The following SLCO2A1 variants were observed in gnomAD, a reference collection of about 807,000 sequenced individuals.
SLCO2A1 encodes the protein solute carrier organic anion transporter family member 2A1.
Under a neutral mutation model 71.7 loss-of-function variants are expected in SLCO2A1, and 60 were observed. The ratio of observed to expected loss-of-function variants is 0.84; its 90% CI spans 0.68 to 1.04. The LOEUF (loss-of-function observed/expected upper bound fraction) is 1.04, where lower values mean the gene tolerates loss of function less well. SLCO2A1 is among the 50% of genes least tolerant of loss of function. SLCO2A1 has a pLI of 0.00. For missense variants in SLCO2A1, 745 were observed against 813.4 expected, an observed-to-expected ratio of 0.92 and a Z score of 1.02; for synonymous variants, 308 against 326.7, an observed-to-expected ratio of 0.94 and a Z score of 0.62.
chr3:133,938,566 G>A, intron 11 of SLCO2A1, 73 bp from the exon 12 acceptor site: 2 of 1,459,206 alleles, frequency 1.4e-6, no homozygotes, highest in Non-Finnish European at 1.9e-6. Flanking sequence ...GGGGCAGCCA[G>A]CCTCAGAGCA....
In SLCO2A1 at chr3:133,951,300, A is replaced by G; in HGVS notation, c.769T>C (p.Trp257Arg). 1 of 1,614,180 alleles carries G rather than the reference A, an allele frequency of 6.2e-7. No individual in the cohort carries two copies. Among genetic ancestry groups the G allele is most frequent in the Non-Finnish European group, 8.5e-7 (1 of 1,180,014 alleles). The change falls in exon 6 of 14, where the codon TGG becomes CGG. Residue 257 changes from tryptophan to arginine, a missense_variant. Coordinates refer to ENST00000310926, the MANE Select transcript of SLCO2A1 (RefSeq NM_005630.3). ...VPGDPRWIGA[W>R]WLGLLISSAL... is the part of the protein sequence containing the mutation. ...GAAGAAATGAGCAGGCCTAGCCACC[A>G]GGCTCCAATCCATCGGGGGTCACCC...
At chr3:133,940,502 A>C (rs1416096129) in intron 11 of SLCO2A1, among the ~76,000 whole-genome samples, 5 of 152,018 alleles carry the variant, frequency 3.3e-5, no homozygotes, top group Non-Finnish European at 7.4e-5. Flanking sequence ...GTCCTCTGGG[A>C]GGTGATTTGA....
chr3:133,934,287 TGCCAC>T lies in SLCO2A1; in HGVS notation c.*421_*425del, dbSNP rs1223367787. 1 of 154,124 alleles carries T rather than the reference TGCCAC, an allele frequency of 6.5e-6. No homozygotes were observed. The highest frequency in any genetic ancestry group is 6.4e-5 in the Admixed American group (1 of 15,518). 9.5% of individuals were successfully genotyped at this position (154,124 alleles called of 1,614,324 possible). A position where few individuals can be genotyped will look rare whatever the true frequency, so the allele number is the denominator to read the frequency against. On this transcript the variant is annotated 3_prime_UTR_variant, in exon 14 of 14. Transcript: ENST00000310926. ...GCCACTTCCTTCTTCCTTTCACCCC[TGCCAC>T]TCTGCAGGGTGTGGGCAGTCAGCGG...
Position 134,029,869 on chromosome 3 carries a change from G to A in SLCO2A1, c.-67C>T, listed in dbSNP as rs958187805. On this transcript the variant is annotated 5_prime_UTR_variant, in exon 1 of 14. Transcript: ENST00000310926. ...GGGCGCCTCGGGCTGGAGCGGCCGG[G>A]CGGGTGAGAGGCGACCGCGGCGGCA... is the stretch of plus-strand genomic sequence containing the variant. 2.1e-6 allele frequency: 2 copies of A among 972,506 alleles called. No homozygotes were observed. Among genetic ancestry groups the A allele is most frequent in the East Asian group, 3.5e-5 (1 of 28,806 alleles). The allele number at this position is 972,506 out of a possible 1,614,324, so 60.2% of individuals were successfully genotyped here. A position where few individuals can be genotyped will look rare whatever the true frequency, so the allele number is the denominator to read the frequency against.
At chr3:133,949,324 C>T in intron 6 of SLCO2A1, 1 of 270,210 alleles carries the variant, frequency 3.7e-6, no homozygotes, top group Non-Finnish European at 7.2e-6. Flanking sequence ...CCCCTACCCT[C>T]AGATTCCAGG....
intron 3 of SLCO2A1, among the ~76,000 whole-genome samples, chr3:133,960,735 A>T (rs1253141775): frequency 6.6e-6 from 1 of 152,166 alleles, no homozygotes; most frequent in Admixed American, 6.5e-5. Flanking sequence ...CCACAATTTA[A>T]AAATATTGCA....
At chr3:134,023,813 C>T (rs1476517868) in intron 1 of SLCO2A1, among the ~76,000 whole-genome samples, 3 of 152,232 alleles carry the variant, frequency 2.0e-5, no homozygotes, top group Non-Finnish European at 4.4e-5. Flanking sequence ...GAGGCCCAGA[C>T]TGTCCCCTTT....
chr3:133,952,647 T>G (rs1933773740), intron 5 of SLCO2A1, among the ~76,000 whole-genome samples: 1 of 152,370 alleles, frequency 6.6e-6, no homozygotes, highest in Admixed American at 6.5e-5. Context: ...TCAGAACTTA[T>G]GCTGGTGTCT....
In SLCO2A1 at chr3:133,955,617, G is replaced by A. The variant is rs949266039; in HGVS notation, c.398-424C>T. Among the ~76,000 whole-genome samples, 6 of 152,156 alleles carry A rather than the reference G, an allele frequency of 3.9e-5. No homozygotes were observed. The South Asian group carries it at 6.2e-4, about 16-fold the overall frequency. ...CAGGCCCGTCGGCCTCCAGCACCCT[G>A]TGCTCAGCCCTGGGGCTCTGGGCCC... On this transcript the variant is annotated intron_variant, in intron 3 of 13. Coordinates refer to ENST00000310926, the MANE Select transcript of SLCO2A1 (RefSeq NM_005630.3).
At chr3:133,972,120 A>T (rs1317287876) in intron 3 of SLCO2A1, among the ~76,000 whole-genome samples, 3 of 152,228 alleles carry the variant, frequency 2.0e-5, no homozygotes, top group Non-Finnish European at 4.4e-5. Flanking sequence ...ATAGCTGAAG[A>T]CATCAATAAC....
intron 1 of SLCO2A1, among the ~76,000 whole-genome samples, chr3:134,024,945 A>G (rs1935667750): frequency 6.6e-6 from 1 of 152,106 alleles, no homozygotes; most frequent in African/African-American, 2.4e-5. Context: ...GTTTATTCTA[A>G]CAGGCCCAAC....
intron 3 of SLCO2A1, among the ~76,000 whole-genome samples, chr3:133,960,996 C>T (rs957634759): frequency 3.3e-5 from 5 of 151,896 alleles, no homozygotes; most frequent in Admixed American, 2.0e-4. Context: ...GTGAGGCTGG[C>T]GCTCAAACAC....
In SLCO2A1 at chr3:133,963,600, CAGA is replaced by C. The variant is rs1029531167; in HGVS notation, c.398-8410_398-8408del. Among the ~76,000 whole-genome samples the C allele has an allele frequency of 4.6e-5, 7 of 152,320 alleles. No homozygotes were observed. In the East Asian group the frequency reaches 7.7e-4, roughly 17 times the overall value. On this transcript the variant is annotated intron_variant, in intron 3 of 13. Transcript: ENST00000310926. The stretch of plus-strand genomic sequence containing the variant: ...AAGAGCCACCCATCCCCTCCCTGCT[CAGA>C]AGGAGACATGGCTGTCATCTGGGAG...
At chr3:133,964,126 T>C (rs1934110416) in intron 3 of SLCO2A1, among the ~76,000 whole-genome samples, 1 of 152,144 alleles carries the variant, frequency 6.6e-6, no homozygotes, top group Non-Finnish European at 1.5e-5. Flanking sequence ...TAGGAGAACA[T>C]AGTCTTCTGC....
chr3:134,005,877 A>G lies in SLCO2A1; in HGVS notation c.96+23830T>C, dbSNP rs570586015. On this transcript the variant is annotated intron_variant, in intron 1 of 13. Coordinates refer to ENST00000310926, the MANE Select transcript of SLCO2A1 (RefSeq NM_005630.3). Reference sequence around the variant, plus strand: ...CATGAAGTTTATTTTTGGCTGTTTTATTTTATTTTATTTTTAACCATTTCC... The same window carrying G: ...CATGAAGTTTATTTTTGGCTGTTTTGTTTTATTTTATTTTTAACCATTTCC... 2.2e-3 allele frequency among the ~76,000 whole-genome samples: 337 copies of G among 151,802 alleles called. 1 individual carries two copies. Among genetic ancestry groups the G allele is most frequent in the African/African-American group, 7.7e-3 (320 of 41,380 alleles).
At chr3:133,967,995 A>C (rs1934228707) in intron 3 of SLCO2A1, among the ~76,000 whole-genome samples, 1 of 59,208 alleles carries the variant, frequency 1.7e-5, no homozygotes, top group Non-Finnish European at 3.2e-5. Context: ...CCCCCAACAC[A>C]TGCACACACA....
chr3:134,003,467 T>C lies in SLCO2A1; in HGVS notation c.97-23849A>G, dbSNP rs561171881. Among the ~76,000 whole-genome samples, 12 of 152,296 alleles carry C rather than the reference T, an allele frequency of 7.9e-5. No individual in the cohort carries two copies. The South Asian group carries it at 2.5e-3, about 32-fold the overall frequency. The stretch of plus-strand genomic sequence containing the variant: ...GTATAGGAGAGAAGCAGAGCCCTCA[T>C]GGGATTTTCAAACTGTGGGAAGGCA... On this transcript the variant is annotated intron_variant, in intron 1 of 13. Coordinates refer to ENST00000310926, the MANE Select transcript of SLCO2A1 (RefSeq NM_005630.3).
chr3:133,946,827 A>C (rs193084815), intron 9 of SLCO2A1, among the ~76,000 whole-genome samples: 1 of 152,306 alleles, frequency 6.6e-6, no homozygotes, highest in East Asian at 1.9e-4. Context: ...GATCAGATCA[A>C]AAGTGGGCCG....
intron 1 of SLCO2A1, among the ~76,000 whole-genome samples, chr3:134,024,949 GC>G (rs1344996681): frequency 6.6e-6 from 1 of 151,682 alleles, no homozygotes; most frequent in Non-Finnish European, 1.5e-5. Context: ...ATTCTAACAG[GC>G]CCAACCTCCG....
Sources: gnomAD v4.1 joint callset for allele counts (sites outside exome capture counted in the v4.1 genomes callset) on GRCh38, gnomAD v4.1.1 for gene constraint, MANE v1.5 for transcripts, NCBI Gene and HGNC (gene_info 2026-07-23, HGNC 2026-07-21) for gene names.